PKHD1L1: variants seen among roughly 807,000 people sequenced by gnomAD.
PKHD1L1 encodes the protein fibrocystin-L.
Under a neutral mutation model 462.9 loss-of-function variants are expected in PKHD1L1, and 434 were observed. That is an observed-to-expected ratio of 0.94 (90% CI 0.87 to 1.02). The LOEUF (loss-of-function observed/expected upper bound fraction) is 1.02, where lower values mean the gene tolerates loss of function less well. Among genes scored for constraint, PKHD1L1 ranks in the 50% least tolerant of loss-of-function variants. The pLI is 0.00. For synonymous variants in PKHD1L1, 1,781 were observed against 1,750.0 expected, an observed-to-expected ratio of 1.02 and a Z score of -0.44; for missense variants, 5,202 against 5,096.1, an observed-to-expected ratio of 1.02 and a Z score of -0.63.
intron 4 of PKHD1L1, among the ~76,000 whole-genome samples, 182 bp from the exon 5 acceptor site, chr8:109,383,888 A>C (rs1050564748): frequency 6.6e-6 from 1 of 152,126 alleles, no homozygotes; most frequent in Non-Finnish European, 1.5e-5. Flanking sequence ...TAAGAAGCAA[A>C]ACCACGATGA....
At chr8:109,475,949 T>G (rs1394610102) in intron 51 of PKHD1L1, among the ~76,000 whole-genome samples, 1 of 151,890 alleles carries the variant, frequency 6.6e-6, no homozygotes. Context: ...GTAGATAAAG[T>G]GGAAGCCTTC....
intron 46 of PKHD1L1, among the ~76,000 whole-genome samples, chr8:109,458,222 TC>T (rs575403357): frequency 4.6e-5 from 7 of 152,168 alleles, no homozygotes; most frequent in Non-Finnish European, 1.0e-4. Context: ...CTAATTATCA[TC>T]ATTCATTATT....
At position 109,413,449 on chromosome 8, in the gene PKHD1L1, C is replaced by T; in HGVS notation, c.2264C>T (p.Ala755Val). The T allele has an allele frequency of 6.4e-7, 1 of 1,567,110 alleles. No homozygotes were observed. Residue 755 changes from alanine (A) to valine (V), a missense_variant, in exon 21 of 78, where the codon GCA becomes GTA. Around this residue, in one of 3 missense-constraint regions of PKHD1L1, gnomAD observed 4,497 missense variants for 4,336.8 expected, o/e 1.04. Transcript: ENST00000378402. ...TGTTTAGCATACAAAGGATTCCTGGCAAATTATATTGGTCTAAAATTTCAG... is the reference window on the plus strand; with the variant it reads ...TGTTTAGCATACAAAGGATTCCTGGTAAATTATATTGGTCTAAAATTTCAG... ...QLCLAYKGFLANYIGLKFQYQ... is the reference protein window; with the variant it reads ...QLCLAYKGFLVNYIGLKFQYQ...
At position 109,413,401 on chromosome 8, in the gene PKHD1L1, T is replaced by A. The variant is rs1327757821; in HGVS notation, c.2236-20T>A. 2.8e-6 allele frequency: 4 copies of A among 1,443,536 alleles called. No individual in the cohort carries two copies. Among genetic ancestry groups the A allele is most frequent in the South Asian group, 1.4e-5 (1 of 70,660 alleles). The allele number at this position is 1,443,536 out of a possible 1,614,324, so 89.4% of individuals were successfully genotyped here. A position where few individuals can be genotyped will look rare whatever the true frequency, so the allele number is the denominator to read the frequency against. On this transcript the variant is annotated intron_variant, in intron 20 of 77. Transcript: ENST00000378402. ...TAATGGTAATATATTGTTACCAATG[T>A]TTTTCATATTTTTATGTAGTTATGT...
intron 50 of PKHD1L1, among the ~76,000 whole-genome samples, chr8:109,474,402 T>C (rs1348242587): frequency 1.3e-5 from 2 of 152,162 alleles, no homozygotes; most frequent in African/African-American, 4.8e-5. Flanking sequence ...TCAGGCATTC[T>C]CTTGTGACCA....
chr8:109,384,183 T>C (rs1272526312), intron 5 of PKHD1L1, 56 bp downstream of exon 5: 1 of 1,237,034 alleles, frequency 8.1e-7, no homozygotes, highest in Non-Finnish European at 1.2e-6. Flanking sequence ...AATGTGTTTA[T>C]TTTTTAGTAT....
rs908816574 is a variant in PKHD1L1, at chr8:109,442,940, T to A, written c.4394-6T>A. ...ATTTATTACGTACAATCTCATTTTA[T>A]GGCAGGTTCATTTTCTTACCAATTT... On this transcript the variant is annotated splice_region_variant and splice_polypyrimidine_tract_variant and intron_variant, in intron 35 of 77. Transcript: ENST00000378402. The A allele has an allele frequency of 6.2e-7, 1 of 1,612,260 alleles. No individual in the cohort carries two copies. Among genetic ancestry groups the A allele is most frequent in the South Asian group, 1.1e-5 (1 of 91,020 alleles).
At chr8:109,428,626 C>A (rs773950852) in intron 25 of PKHD1L1, among the ~76,000 whole-genome samples, 1 of 152,162 alleles carries the variant, frequency 6.6e-6, no homozygotes, top group African/African-American at 2.4e-5. Flanking sequence ...TAGTGACTGA[C>A]CTCCCTTGGT....
chr8:109,478,122 GAAT>G (rs1818087912), intron 53 of PKHD1L1, among the ~76,000 whole-genome samples: 1 of 152,100 alleles, frequency 6.6e-6, no homozygotes, highest in African/African-American at 2.4e-5. Flanking sequence ...AGTGGGCACT[GAAT>G]AGCCCACTAC....
At position 109,367,038 on chromosome 8, in the gene PKHD1L1, T is replaced by G. The variant is rs184100611; in HGVS notation, c.163+2402T>G. 3.9e-5 allele frequency among the ~76,000 whole-genome samples: 6 copies of G among 152,330 alleles called. No homozygotes were observed. In the East Asian group the frequency reaches 1.2e-3, roughly 29 times the overall value. On this transcript the variant is annotated intron_variant, in intron 2 of 77. Transcript: ENST00000378402. ...TATACTTATATCCAAGCTCATAAAG[T>G]TGTATATATTAAATACATATAGCTT... is the stretch of plus-strand genomic sequence containing the variant.
intron 2 of PKHD1L1, among the ~76,000 whole-genome samples, chr8:109,379,090 A>T (rs1811981059): frequency 6.6e-6 from 1 of 152,174 alleles, no homozygotes; most frequent in Non-Finnish European, 1.5e-5. Flanking sequence ...TTTCACCCAG[A>T]CTAAACAACC....
At position 109,502,047 on chromosome 8, in the gene PKHD1L1, CCCACA is replaced by C. The variant is rs369417725; in HGVS notation, c.10829-2256_10829-2252del. On this transcript the variant is annotated intron_variant, in intron 67 of 77. Coordinates refer to ENST00000378402, the MANE Select transcript of PKHD1L1 (RefSeq NM_177531.6). The stretch of plus-strand genomic sequence containing the variant: ...AATTTCTTTTAATTGGAAAGATCTT[CCCACA>C]CCACACCACACCACACCACACCATA... Among the ~76,000 whole-genome samples the C allele has an allele frequency of 3.8e-4, 57 of 151,926 alleles. 1 individual carries two copies. The highest frequency in any genetic ancestry group is 1.1e-3 in the African/African-American group (44 of 41,434).
Position 109,400,325 on chromosome 8 carries a change from C to A in PKHD1L1, c.1262C>A (p.Thr421Asn), listed in dbSNP as rs1363494575. The A allele has an allele frequency of 2.5e-6, 4 of 1,612,962 alleles. No individual in the cohort carries two copies. In the East Asian group the frequency reaches 6.7e-5, roughly 27 times the overall value. Residue 421 changes from threonine to asparagine, a missense_variant, in exon 13 of 78, where the codon ACT becomes AAT. Transcript: ENST00000378402. ...DDRYAIYFSQ[T>N]GLPEDKVRIA... ...CGTTATGCTATTTATTTTAGCCAGA[C>A]TGGACTTCCAGAAGATAAGGTAGGG... is the stretch of plus-strand genomic sequence containing the variant.
At chr8:109,473,737 C>G (rs1817842915) in intron 50 of PKHD1L1, among the ~76,000 whole-genome samples, 1 of 152,080 alleles carries the variant, frequency 6.6e-6, no homozygotes, top group Non-Finnish European at 1.5e-5. Flanking sequence ...GTTGATTGAT[C>G]TAGGCTGGGC....
chr8:109,371,252 C>T (rs1407383223), intron 2 of PKHD1L1, among the ~76,000 whole-genome samples: 1 of 152,146 alleles, frequency 6.6e-6, no homozygotes, highest in Admixed American at 6.5e-5. Flanking sequence ...CTCTAATGGC[C>T]AGAGATGGTG....
intron 38 of PKHD1L1, among the ~76,000 whole-genome samples, chr8:109,446,137 G>T (rs1239697585): frequency 6.6e-6 from 1 of 152,038 alleles, no homozygotes. Flanking sequence ...TATAAAATAC[G>T]ATTTTCTTAA....
intron 62 of PKHD1L1, among the ~76,000 whole-genome samples, chr8:109,492,250 T>C (rs1818871428): frequency 6.6e-6 from 1 of 151,832 alleles, no homozygotes; most frequent in African/African-American, 2.4e-5. Context: ...GCTTTAGGTG[T>C]ATTGCTACTT....
intron 67 of PKHD1L1, among the ~76,000 whole-genome samples, chr8:109,502,088 CTCAT>C (rs1427587665): frequency 6.6e-6 from 1 of 152,120 alleles, no homozygotes; most frequent in Non-Finnish European, 1.5e-5. Context: ...CCACACCACA[CTCAT>C]TCAAGGCCAC....
Position 109,467,930 on chromosome 8 carries a change from A to G in PKHD1L1, c.8605+1161A>G, listed in dbSNP as rs186109812. Among the ~76,000 whole-genome samples the G allele has an allele frequency of 1.2e-3, 179 of 152,306 alleles. 3 individuals carry two copies. The highest frequency in any genetic ancestry group is 4.2e-3 in the African/African-American group (175 of 41,586). ...AAGTATAGAAAAAGAGTTTAATAAC[A>G]GAATCCAAGTGCACTTATTTTTTCT... On this transcript the variant is annotated intron_variant, in intron 50 of 77. Transcript: ENST00000378402.
Sources: gnomAD v4.1 joint callset for allele counts (sites outside exome capture counted in the v4.1 genomes callset) on GRCh38, gnomAD v4.1.1 for gene constraint, gnomAD v4.1.1 regional missense constraint, MANE v1.5 for transcripts, NCBI Gene and HGNC (gene_info 2026-07-23, HGNC 2026-07-21) for gene names.